Variants in LUZP2 observed in about 807,000 individuals in gnomAD.
The protein encoded by LUZP2 is leucine zipper protein 2.
A neutral mutation model predicts 51.6 loss-of-function variants in LUZP2; 52 were observed. The observed-to-expected ratio is 1.01, with a 90% CI of 0.81 to 1.27. The LOEUF (loss-of-function observed/expected upper bound fraction) is 1.27, where lower values mean the gene tolerates loss of function less well. Ranked by LOEUF, LUZP2 falls within the 50% of genes most tolerant of loss-of-function variation. The pLI is 0.00. For missense variants in LUZP2, 436 were observed against 395.4 expected, an observed-to-expected ratio of 1.10 and a Z score of -0.87; for synonymous variants, 154 against 137.3, an observed-to-expected ratio of 1.12 and a Z score of -0.85.
chr11:24,556,035 A>G (rs900595309), intron 1 of LUZP2, among the ~76,000 whole-genome samples: 2 of 152,246 alleles, frequency 1.3e-5, no homozygotes, highest in South Asian at 2.1e-4. Context: ...TCCTGCTTTT[A>G]TGGGTGATTC....
At chr11:24,618,559 G>A (rs1605872) in intron 1 of LUZP2, among the ~76,000 whole-genome samples, 1 of 152,004 alleles carries the variant, frequency 6.6e-6, no homozygotes, top group Admixed American at 6.6e-5. Context: ...GAGACAACAT[G>A]CTTCTGTTGG....
At chr11:24,854,400 C>G (rs1366370817) in intron 5 of LUZP2, among the ~76,000 whole-genome samples, 2 of 152,210 alleles carry the variant, frequency 1.3e-5, no homozygotes, top group Non-Finnish European at 2.9e-5. Context: ...TTCAAACTTC[C>G]CAGCAGCTTT....
intron 7 of LUZP2, among the ~76,000 whole-genome samples, chr11:24,921,356 C>G (rs1324359753): frequency 6.6e-6 from 1 of 152,098 alleles, no homozygotes; most frequent in East Asian, 1.9e-4. Flanking sequence ...CTTCCAGAAA[C>G]CTGGCCCTCC....
At chr11:24,968,864 G>C (rs1460622959) in intron 7 of LUZP2, among the ~76,000 whole-genome samples, 1 of 152,200 alleles carries the variant, frequency 6.6e-6, no homozygotes, top group Non-Finnish European at 1.5e-5. Context: ...CAGTCATGGG[G>C]CTTACCTAGT....
intron 1 of LUZP2, among the ~76,000 whole-genome samples, chr11:24,554,701 A>ATTTTTTTTTTTTTT (rs397747044): frequency 7.5e-6 from 1 of 133,500 alleles, no homozygotes; most frequent in African/African-American, 2.8e-5. Context: ...TGGTTATTTA[A>ATTTTTTTTTTTTTT]TTTTTTTTTT....
At chr11:24,965,211 C>T (rs1855545122) in intron 7 of LUZP2, among the ~76,000 whole-genome samples, 1 of 149,812 alleles carries the variant, frequency 6.7e-6, no homozygotes, top group African/African-American at 2.5e-5. Flanking sequence ...GCATAATTTT[C>T]ACCATTTTTC....
intron 1 of LUZP2, among the ~76,000 whole-genome samples, chr11:24,602,827 C>G (rs72880619): frequency 0.036 from 5,392 of 151,594 alleles, 135 homozygotes; most frequent in South Asian, 0.095. Context: ...TAACTTTTTT[C>G]TTTATTCCTG....
At chr11:25,004,930 C>T (rs908924859) in intron 9 of LUZP2, among the ~76,000 whole-genome samples, 3 of 152,186 alleles carry the variant, frequency 2.0e-5, no homozygotes, top group African/African-American at 7.2e-5. Context: ...TCATTCTTTT[C>T]ATTAAAAGCC....
chr11:24,804,232 G>A (rs1046800043), intron 5 of LUZP2, among the ~76,000 whole-genome samples: 1 of 152,054 alleles, frequency 6.6e-6, no homozygotes, highest in African/African-American at 2.4e-5. Flanking sequence ...AAAAAGACAG[G>A]CCAAGTATTG....
chr11:24,666,752 T>TA (rs960988322), intron 1 of LUZP2, among the ~76,000 whole-genome samples: 1 of 152,206 alleles, frequency 6.6e-6, no homozygotes, highest in Non-Finnish European at 1.5e-5. Context: ...AAGAAGTTTT[T>TA]ATCTTCGATG....
intron 5 of LUZP2, among the ~76,000 whole-genome samples, chr11:24,890,002 A>G (rs1378948394): frequency 6.6e-6 from 1 of 152,216 alleles, no homozygotes; most frequent in Non-Finnish European, 1.5e-5. Flanking sequence ...GACAGAATAA[A>G]CAAAAGGGAA....
At chr11:24,770,801 T>A (rs893019543) in intron 5 of LUZP2, among the ~76,000 whole-genome samples, 2 of 152,196 alleles carry the variant, frequency 1.3e-5, no homozygotes, top group Non-Finnish European at 2.9e-5. Context: ...TCTTACAAAA[T>A]CGTTTGAAGA....
chr11:25,018,922 A>C (rs765288030), intron 9 of LUZP2, among the ~76,000 whole-genome samples: 1 of 151,952 alleles, frequency 6.6e-6, no homozygotes, highest in East Asian at 1.9e-4. Context: ...CTTCCCTTTA[A>C]ATGACTTTAT....
intron 1 of LUZP2, among the ~76,000 whole-genome samples, chr11:24,566,624 A>ATG (rs1491282670): frequency 1.2e-4 from 11 of 95,590 alleles, no homozygotes; most frequent in Middle Eastern, 5.0e-3. Context: ...GTATAGATAT[A>ATG]CACACACACA....
intron 1 of LUZP2, among the ~76,000 whole-genome samples, chr11:24,616,764 A>T (rs539912151): frequency 1.7e-3 from 256 of 152,198 alleles, no homozygotes; most frequent in African/African-American, 6.0e-3. Flanking sequence ...TCTTCTTTTC[A>T]ATATCATTTG....
intron 1 of LUZP2, among the ~76,000 whole-genome samples, chr11:24,553,369 T>C (rs968951752): frequency 2.0e-5 from 3 of 151,842 alleles, no homozygotes; most frequent in Non-Finnish European, 4.4e-5. Context: ...AAAGTAAATG[T>C]AGAGGAATAT....
intron 7 of LUZP2, among the ~76,000 whole-genome samples, chr11:24,924,969 A>T (rs1365180036): frequency 6.6e-6 from 1 of 152,120 alleles, no homozygotes; most frequent in African/African-American, 2.4e-5. Context: ...TATCAAACTT[A>T]TGGTGCCAAA....
chr11:24,984,212 A>G (rs771814808), intron 9 of LUZP2, among the ~76,000 whole-genome samples: 137 of 151,596 alleles, frequency 9.0e-4, no homozygotes, highest in Non-Finnish European at 1.7e-3. Context: ...CTTAAGAACC[A>G]CTAATGCAAA....
At chr11:25,068,544 A>T (rs990132430) in intron 10 of LUZP2, among the ~76,000 whole-genome samples, 1 of 151,926 alleles carries the variant, frequency 6.6e-6, no homozygotes, top group Non-Finnish European at 1.5e-5. Context: ...TGCTTATAAA[A>T]ATCATATAGA....
Sources: gnomAD v4.1 joint callset for allele counts (sites outside exome capture counted in the v4.1 genomes callset) on GRCh38, gnomAD v4.1.1 for gene constraint, MANE v1.5 for transcripts, NCBI Gene and HGNC (gene_info 2026-07-23, HGNC 2026-07-21) for gene names.